The following PPP2R2C variants were observed in gnomAD, a reference collection of about 807,000 sequenced individuals.
The protein encoded by PPP2R2C is protein phosphatase 2 regulatory subunit Bgamma.
PPP2R2C carries 10 observed loss-of-function variants against 45.3 expected under a neutral mutation model. The observed-to-expected ratio is 0.22, with a 90% confidence interval of 0.14 to 0.37. The LOEUF (loss-of-function observed/expected upper bound fraction) is 0.37, where lower values mean the gene tolerates loss of function less well. PPP2R2C is among the 10% of genes least tolerant of loss of function. The pLI, the probability that PPP2R2C is intolerant of heterozygous loss-of-function variation, is 1.00. For missense variants in PPP2R2C, 308 were observed against 619.7 expected (o/e 0.50, Z 5.34); for synonymous variants, 257 against 245.4 (o/e 1.05, Z -0.44).
At chr4:6,360,838 C>G (rs576244831) in intron 5 of PPP2R2C, among the ~76,000 whole-genome samples, 5 of 152,140 alleles carry the variant, frequency 3.3e-5, no homozygotes, top group African/African-American at 1.2e-4. Flanking sequence ...TCCAATAACA[C>G]GGTGTTAGCA....
chr4:6,343,087 T>TA (rs1402728510), intron 6 of PPP2R2C, among the ~76,000 whole-genome samples: 2 of 152,180 alleles, frequency 1.3e-5, no homozygotes, highest in African/African-American at 4.8e-5. Context: ...AAATCCCTTT[T>TA]AAAAAATTAG....
At chr4:6,397,849 C>CAATAAATA (rs573217600) in intron 1 of PPP2R2C, among the ~76,000 whole-genome samples, 2 of 152,120 alleles carry the variant, frequency 1.3e-5, no homozygotes, top group Non-Finnish European at 2.9e-5. Context: ...AATGACTTTG[C>CAATAAATA]AATAAATAAA....
At chr4:6,456,632 A>G (rs1560561761) in intron 1 of PPP2R2C, among the ~76,000 whole-genome samples, 1 of 152,204 alleles carries the variant, frequency 6.6e-6, no homozygotes, top group Non-Finnish European at 1.5e-5. Flanking sequence ...CCCGAAGCAG[A>G]CAGGCTGGCT....
rs1303661914 is a variant in PPP2R2C at position 6,333,434 on chromosome 4, A to G, written c.960+128T>C. On this transcript the variant is annotated intron_variant, in intron 7 of 8. Transcript: ENST00000382599. ...TGGGGATGAGTTGCTGGATTTCTTCAGCCTCCGTGTCTTCACCTACATACC... is the reference window on the plus strand; with the variant it reads ...TGGGGATGAGTTGCTGGATTTCTTCGGCCTCCGTGTCTTCACCTACATACC... 19 of 1,089,728 alleles carry G rather than the reference A, an allele frequency of 1.7e-5. No individual in the cohort carries two copies. The Admixed American group carries it at 5.3e-4, about 31-fold the overall frequency. 67.5% of individuals were successfully genotyped at this position (1,089,728 alleles called of 1,614,324 possible). A position where few individuals can be genotyped will look rare whatever the true frequency, so the allele number is the denominator to read the frequency against.
intron 5 of PPP2R2C, among the ~76,000 whole-genome samples, chr4:6,356,759 A>G (rs1461882243): frequency 3.3e-5 from 5 of 151,078 alleles, no homozygotes; most frequent in African/African-American, 4.9e-5. Context: ...CCTCAAATCC[A>G]CCTTTCATCT....
At chr4:6,323,663 T>C (rs568189282) in intron 8 of PPP2R2C, 70 bp from the exon 9 acceptor site, 3 of 1,409,408 alleles carry the variant, frequency 2.1e-6, no homozygotes, top group South Asian at 3.0e-5. Context: ...AGCCCAGGTG[T>C]GGGGGCTCAC....
At chr4:6,478,842 C>A (rs1490787501) in intron 2 of PPP2R2C, among the ~76,000 whole-genome samples, 1 of 152,230 alleles carries the variant, frequency 6.6e-6, no homozygotes, top group Non-Finnish European at 1.5e-5. Context: ...TTATCTTCTT[C>A]CCGGGACCCC....
At chr4:6,379,607 G>T (rs1036585204) in intron 2 of PPP2R2C, among the ~76,000 whole-genome samples, 1 of 152,218 alleles carries the variant, frequency 6.6e-6, no homozygotes, top group Non-Finnish European at 1.5e-5. Flanking sequence ...ATCTCTTTCT[G>T]CAGCTTGGCA....
At chr4:6,490,157 C>T (rs1158430767) in intron 2 of PPP2R2C, among the ~76,000 whole-genome samples, 1 of 152,216 alleles carries the variant, frequency 6.6e-6, no homozygotes, top group African/African-American at 2.4e-5. Flanking sequence ...AGGCCTGATG[C>T]TCATCCCCAC....
intron 1 of PPP2R2C, among the ~76,000 whole-genome samples, chr4:6,460,050 C>A (rs934004104): frequency 1.3e-5 from 2 of 152,062 alleles, no homozygotes; most frequent in Non-Finnish European, 2.9e-5. Context: ...CTAAACCAAC[C>A]ATAACTTCTG....
chr4:6,503,142 G>T (rs1723112290), intron 2 of PPP2R2C, among the ~76,000 whole-genome samples: 1 of 152,150 alleles, frequency 6.6e-6, no homozygotes, highest in African/African-American at 2.4e-5. Flanking sequence ...AGCAAACCCA[G>T]ATTCCACACA....
intron 1 of PPP2R2C, among the ~76,000 whole-genome samples, chr4:6,392,211 T>C (rs2109334497): frequency 6.6e-6 from 1 of 152,316 alleles, no homozygotes. Flanking sequence ...TTCTATGTCA[T>C]GTATATTCTA....
Position 6,333,552 on chromosome 4 carries a change from T to G in PPP2R2C, c.960+10A>C. The G allele has an allele frequency of 6.2e-7, 1 of 1,611,530 alleles. No individual in the cohort carries two copies. The highest frequency in any genetic ancestry group is 8.5e-7 in the Non-Finnish European group (1 of 1,177,984). The stretch of plus-strand genomic sequence containing the variant: ...ACCCGGGATTGGGGGTCTCCTGCTG[T>G]GGTGCCCACCTGGTAGGTCTCTATG... On this transcript the variant is annotated intron_variant, in intron 7 of 8. Coordinates refer to ENST00000382599, the MANE Select transcript of PPP2R2C (RefSeq NM_020416.4).
rs1732150652 is a variant in PPP2R2C at position 6,328,678 on chromosome 4, TG to T, written c.1052+583del. Among the ~76,000 whole-genome samples the T allele has an allele frequency of 6.6e-6, 1 of 152,154 alleles. No homozygotes were observed. The highest frequency in any genetic ancestry group is 2.1e-4 in the South Asian group (1 of 4,832). ...AGACACAGGAACTCACTTCTGGCACTGGGGCGCCACTTTCCAGGCAGGTGGG... is the reference window on the plus strand; with the variant it reads ...AGACACAGGAACTCACTTCTGGCACTGGGCGCCACTTTCCAGGCAGGTGGG... On this transcript the variant is annotated intron_variant, in intron 8 of 8. Coordinates refer to ENST00000382599, the MANE Select transcript of PPP2R2C (RefSeq NM_020416.4). The surrounding 1 kb of genome is among the most constrained non-coding windows in gnomAD (Gnocchi z 4.4).
chr4:6,493,362 G>A (rs1560583634), intron 2 of PPP2R2C, among the ~76,000 whole-genome samples: 1 of 151,748 alleles, frequency 6.6e-6, no homozygotes, highest in Non-Finnish European at 1.5e-5. Context: ...CTGGGGTGGG[G>A]GGCGTGTGGA....
chr4:6,359,369 T>C (rs1181590501), intron 5 of PPP2R2C, among the ~76,000 whole-genome samples: 2 of 152,050 alleles, frequency 1.3e-5, no homozygotes, highest in Admixed American at 6.6e-5. Context: ...GGAGGAGGGA[T>C]AGCATTAGGA....
At chr4:6,377,807 C>T (rs753632712) in intron 3 of PPP2R2C, among the ~76,000 whole-genome samples, 3 of 152,152 alleles carry the variant, frequency 2.0e-5, no homozygotes, top group Non-Finnish European at 2.9e-5. Context: ...GCCCCAGCCA[C>T]TCCCTCAGAG....
intron 1 of PPP2R2C, among the ~76,000 whole-genome samples, chr4:6,419,318 C>T (rs570643078): frequency 8.7e-4 from 133 of 152,046 alleles, no homozygotes; most frequent in Non-Finnish European, 4.3e-4. Flanking sequence ...CCCAGCTACT[C>T]GGGAGGCTAA....
intron 4 of PPP2R2C, among the ~76,000 whole-genome samples, chr4:6,375,561 C>G (rs1015864145): frequency 6.6e-6 from 1 of 152,218 alleles, no homozygotes; most frequent in Admixed American, 6.5e-5. Flanking sequence ...CCACCCTCAG[C>G]TATAGGTGAA....
Sources: allele counts gnomAD v4.1 joint callset (sites outside exome capture counted in the v4.1 genomes callset), GRCh38; gene constraint gnomAD v4.1.1; non-coding constraint Gnocchi (gnomAD v3.1); transcripts MANE v1.5; gene names NCBI Gene and HGNC (gene_info 2026-07-23, HGNC 2026-07-21).